The following SRGAP2C variants were observed in gnomAD, a reference collection of about 807,000 sequenced individuals.
SRGAP2C encodes SLIT-ROBO Rho GTPase-activating protein 2C.
A neutral mutation model predicts 25.1 loss-of-function variants in SRGAP2C; 15 were observed. The observed-to-expected ratio is 0.60, with a 90% confidence interval of 0.40 to 0.92. The LOEUF is 0.92. Ranked by LOEUF, SRGAP2C falls within the 40% of genes least tolerant of loss-of-function variation. The pLI, the probability that SRGAP2C is intolerant of heterozygous loss-of-function variation, is 0.00. For missense variants in SRGAP2C, 144 were observed against 264.4 expected, an observed-to-expected ratio of 0.54 and a Z score of 3.16; for synonymous variants, 44 against 96.6, an observed-to-expected ratio of 0.46 and a Z score of 3.19.
rs1660015935 is a variant in SRGAP2C, at chr1:121,389,190, AC to A, written c.*1336del. 1 of 152,128 alleles carries A rather than the reference AC, an allele frequency of 6.6e-6. No individual in the cohort carries two copies. Among genetic ancestry groups the A allele is most frequent in the Non-Finnish European group, 1.5e-5 (1 of 68,006 alleles). 9.4% of individuals were successfully genotyped at this position (152,128 alleles called of 1,614,324 possible). On this transcript the variant is annotated 3_prime_UTR_variant, in exon 10 of 10. Transcript: ENST00000367123. Reference sequence around the variant, plus strand: ...ATATTAAAACCTATACAAAAAAATAACAGAATGGCATTTTAGCTCATTCATT... The same window carrying A: ...ATATTAAAACCTATACAAAAAAATAAAGAATGGCATTTTAGCTCATTCATT...
intron 3 of SRGAP2C, among the ~76,000 whole-genome samples, chr1:121,303,976 G>A (rs1553339160): frequency 3.4e-5 from 5 of 146,508 alleles, no homozygotes; most frequent in Middle Eastern, 3.6e-3. Flanking sequence ...AGGCCGAGGC[G>A]GGCCGATCAT....
At chr1:121,298,394 A>T (rs1657640719) in intron 3 of SRGAP2C, among the ~76,000 whole-genome samples, 1 of 143,318 alleles carries the variant, frequency 7.0e-6, no homozygotes, top group African/African-American at 2.6e-5. Context: ...TGACTTGGGC[A>T]AATAAAAGAA....
intron 2 of SRGAP2C, among the ~76,000 whole-genome samples, chr1:121,250,351 TAA>T (rs1454987292): frequency 2.2e-5 from 2 of 90,510 alleles, no homozygotes; most frequent in African/African-American, 9.4e-5. Context: ...ATGACAGGCT[TAA>T]GACTAAATAT....
chr1:121,199,118 C>T (rs1654916343), intron 2 of SRGAP2C, among the ~76,000 whole-genome samples: 1 of 150,208 alleles, frequency 6.7e-6, no homozygotes, highest in Non-Finnish European at 1.5e-5. Flanking sequence ...AATTTCTCAA[C>T]AGTCCTGTGA....
At chr1:121,378,652 A>C (rs1458972522) in intron 7 of SRGAP2C, among the ~76,000 whole-genome samples, 3 of 151,844 alleles carry the variant, frequency 2.0e-5, no homozygotes, top group African/African-American at 7.3e-5. Context: ...CCTGATCTTA[A>C]CATTATTCAT....
chr1:121,257,966 G>T (rs1204520067), intron 2 of SRGAP2C, among the ~76,000 whole-genome samples: 1 of 145,042 alleles, frequency 6.9e-6, no homozygotes, highest in East Asian at 2.1e-4. Flanking sequence ...GTGTGGGGTG[G>T]GGGGGTGGGG....
intron 4 of SRGAP2C, among the ~76,000 whole-genome samples, chr1:121,329,926 C>G (rs1265146191): frequency 6.6e-6 from 1 of 151,658 alleles, no homozygotes; most frequent in East Asian, 1.9e-4. Flanking sequence ...CTCAGTCTGT[C>G]TAACCTCTGT....
rs2993869 is a variant in SRGAP2C at position 121,314,749 on chromosome 1, A to G, written c.261-9729A>G. Among the ~76,000 whole-genome samples the G allele has an allele frequency of 6.6e-3, 992 of 150,742 alleles. 12 individuals carry two copies. Among genetic ancestry groups the G allele is most frequent in the African/African-American group, 0.021 (830 of 40,432 alleles). On this transcript the variant is annotated intron_variant, in intron 3 of 9. Transcript: ENST00000367123. ...CAGTTAGGCTGCTCGGGGGTCAGGGATCAGGGACCCACTTGAGGAGGCAGT... is the reference window on the plus strand; with the variant it reads ...CAGTTAGGCTGCTCGGGGGTCAGGGGTCAGGGACCCACTTGAGGAGGCAGT...
chr1:121,239,017 G>A (rs1274891624), intron 2 of SRGAP2C, among the ~76,000 whole-genome samples: 2 of 130,300 alleles, frequency 1.5e-5, no homozygotes, highest in African/African-American at 6.0e-5. Flanking sequence ...GAGACTAGAG[G>A]CAATAACAGT....
chr1:121,374,831 A>C lies in SRGAP2C; in HGVS notation c.708A>C (p.Gln236His). 1 of 767,810 alleles carries C rather than the reference A, an allele frequency of 1.3e-6. No homozygotes were observed. The highest frequency in any genetic ancestry group is 1.4e-5 in the South Asian group (1 of 73,008). The allele number at this position is 767,810 out of a possible 1,614,324, so 47.6% of individuals were successfully genotyped here. A position where few individuals can be genotyped will look rare whatever the true frequency, so the allele number is the denominator to read the frequency against. Residue 236 changes from glutamine to histidine, a missense_variant, in exon 7 of 10, where the codon CAA becomes CAC. This residue lies in a region of SRGAP2C where 34 missense variants were observed against 23.0 expected (regional missense o/e 1.48). Coordinates refer to ENST00000367123, the MANE Select transcript of SRGAP2C (RefSeq NM_001329984.2). ...AACTTCTGTTTCCTTTTCAGCACCAAGCCAAGTACACGGAGAATAAGCTGA... is the reference window on the plus strand; with the variant it reads ...AACTTCTGTTTCCTTTTCAGCACCACGCCAAGTACACGGAGAATAAGCTGA... Reference protein sequence around the residue: ...KKIEKMKEKHQAKYTENKLKA... With the variant: ...KKIEKMKEKHHAKYTENKLKA...
intron 2 of SRGAP2C, among the ~76,000 whole-genome samples, chr1:121,239,206 A>AC (rs1235543095): frequency 8.7e-4 from 4 of 4,572 alleles, no homozygotes; most frequent in African/African-American, 2.3e-3. Context: ...ATATATATAT[A>AC]TATATATATA....
At chr1:121,368,607 C>T (rs1467823576) in intron 5 of SRGAP2C, among the ~76,000 whole-genome samples, 1 of 151,580 alleles carries the variant, frequency 6.6e-6, no homozygotes, top group Non-Finnish European at 1.5e-5. Flanking sequence ...GTTAATTGGT[C>T]ACCTTGCATG....
chr1:121,356,820 T>C (rs1477740199), intron 4 of SRGAP2C, among the ~76,000 whole-genome samples: 9 of 151,640 alleles, frequency 5.9e-5, no homozygotes, highest in Admixed American at 5.9e-4. Context: ...AGCTTAGATT[T>C]GATTGTCTGT....
At chr1:121,310,332 T>C (rs1657953523) in intron 3 of SRGAP2C, among the ~76,000 whole-genome samples, 2 of 111,548 alleles carry the variant, frequency 1.8e-5, no homozygotes, top group Non-Finnish European at 3.5e-5. Context: ...TAGCCCTTTG[T>C]CAGATGAGTA....
chr1:121,384,864 C>T (rs1553356003), intron 8 of SRGAP2C, among the ~76,000 whole-genome samples: 1 of 152,182 alleles, frequency 6.6e-6, no homozygotes. Context: ...AAGGAACAGG[C>T]TTGGAGGTGG....
At position 121,184,982 on chromosome 1, in the gene SRGAP2C, T is replaced by C. The variant is rs1654455305; in HGVS notation, c.-685T>C. On this transcript the variant is annotated 5_prime_UTR_variant, in exon 1 of 10. Coordinates refer to ENST00000367123, the MANE Select transcript of SRGAP2C (RefSeq NM_001329984.2). ...TGGGCTCTACTTCCCGGCGGGGTCCTGCGGAGTTGGCGGAGGCGGCGGAGG... is the reference window on the plus strand; with the variant it reads ...TGGGCTCTACTTCCCGGCGGGGTCCCGCGGAGTTGGCGGAGGCGGCGGAGG... 1 of 513,052 alleles carries C rather than the reference T, an allele frequency of 1.9e-6. No homozygotes were observed. 31.8% of individuals were successfully genotyped at this position (513,052 alleles called of 1,614,324 possible).
intron 2 of SRGAP2C, among the ~76,000 whole-genome samples, chr1:121,190,108 A>G (rs1558074553): frequency 6.6e-6 from 1 of 152,142 alleles, no homozygotes; most frequent in African/African-American, 2.4e-5. Context: ...TCTATGGAAC[A>G]GCACAGAATT....
chr1:121,342,969 A>T (rs1191309706), intron 4 of SRGAP2C, among the ~76,000 whole-genome samples: 1 of 140,470 alleles, frequency 7.1e-6, no homozygotes, highest in Non-Finnish European at 1.5e-5. Context: ...TTAGAGATAC[A>T]CTAAATGCAG....
chr1:121,283,079 A>T (rs1657286228), intron 2 of SRGAP2C, among the ~76,000 whole-genome samples: 1 of 151,300 alleles, frequency 6.6e-6, no homozygotes, highest in Non-Finnish European at 1.5e-5. Context: ...ACCTCTGCAG[A>T]TCTTTACCCC....
Sources: gnomAD v4.1 joint callset for allele counts (sites outside exome capture counted in the v4.1 genomes callset) on GRCh38, gnomAD v4.1.1 for gene constraint, gnomAD v4.1.1 regional missense constraint, MANE v1.5 for transcripts, NCBI Gene and HGNC (gene_info 2026-07-23, HGNC 2026-07-21) for gene names.